The following NUP188 variants were observed in gnomAD, a reference collection of about 807,000 sequenced individuals.
NUP188 encodes the protein nucleoporin 188, also known as nucleoporin NUP188.
NUP188 carries 97 observed loss-of-function variants against 223.0 expected under a neutral mutation model. That is an observed-to-expected ratio of 0.43 (90% CI 0.37 to 0.51). The LOEUF is 0.51. Among genes scored for constraint, NUP188 ranks in the 20% least tolerant of loss-of-function variants. The pLI is 0.00. For synonymous variants in NUP188, 869 were observed against 828.0 expected (o/e 1.05, Z -0.85); for missense variants, 1,947 against 2,175.6 (o/e 0.89, Z 2.09).
In NUP188 at chr9:128,969,412, C is replaced by A; in HGVS notation, c.810C>A (p.Ala270=). The A allele has an allele frequency of 1.9e-6, 3 of 1,609,674 alleles. No individual in the cohort carries two copies. The highest frequency in any genetic ancestry group is 2.5e-6 in the Non-Finnish European group (3 of 1,176,896). Residue 270 remains alanine (A), a synonymous_variant, in exon 10 of 44, where the codon GCC becomes GCA. Coordinates refer to ENST00000372577, the MANE Select transcript of NUP188 (RefSeq NM_015354.3). ...PFVDRIGYFS[A]LILVEGMDIE... is the part of the protein sequence containing the mutation. ...TTTTTCTTTCTAGCTACTTCAGTGC[C>A]CTCATCCTGGTGGAGGGCATGGATA...
Position 128,995,491 on chromosome 9 carries a change from C to T in NUP188, c.3328C>T (p.Leu1110Phe). The change falls in exon 30 of 44, where the codon CTT (leucine) becomes TTT (phenylalanine). Residue 1110 changes from leucine (L) to phenylalanine (F), a missense_variant. Coordinates refer to ENST00000372577, the MANE Select transcript of NUP188 (RefSeq NM_015354.3). ...GATGCTGGTGTCCGCCTGGAGGATG[C>T]TTCTCATCATTGCCACCACTCATGT... ...YQMLVSAWRMLLIIATTHADI... is the reference protein window; with the variant it reads ...YQMLVSAWRMFLIIATTHADI... 1 of 1,600,754 alleles carries T rather than the reference C, an allele frequency of 6.2e-7. No individual in the cohort carries two copies. The highest frequency in any genetic ancestry group is 8.5e-7 in the Non-Finnish European group (1 of 1,174,056).
chr9:128,982,157 C>G (rs1217572437), intron 15 of NUP188, among the ~76,000 whole-genome samples: 1 of 151,704 alleles, frequency 6.6e-6, no homozygotes, highest in Admixed American at 6.6e-5. Context: ...ATGTTAGCTA[C>G]TAAGAAGAAA....
intron 8 of NUP188, among the ~76,000 whole-genome samples, chr9:128,967,403 C>T (rs1278486219): frequency 2.0e-5 from 3 of 152,044 alleles, no homozygotes; most frequent in Non-Finnish European, 4.4e-5. Context: ...GCCTGTAATC[C>T]CACCACTTTG....
chr9:128,951,834 C>T (rs1398908056), intron 2 of NUP188, among the ~76,000 whole-genome samples: 1 of 141,946 alleles, frequency 7.0e-6, no homozygotes, highest in Non-Finnish European at 1.5e-5. Context: ...TGCTTGTTGT[C>T]CTGGCTAGAG....
chr9:128,983,639 T>C, intron 19 of NUP188, 89 bp downstream of exon 19: 1 of 938,998 alleles, frequency 1.1e-6, no homozygotes, highest in Non-Finnish European at 1.6e-6. Flanking sequence ...ATTTTATTTT[T>C]ATGTATTTGT....
chr9:128,952,898 A>G (rs1156920968), intron 3 of NUP188, 52 bp downstream of exon 3: 3 of 1,405,894 alleles, frequency 2.1e-6, no homozygotes, highest in South Asian at 2.3e-5. Flanking sequence ...GGAAGCTGAC[A>G]TGGATAAAAC....
intron 1 of NUP188, chr9:128,948,709 C>T (rs1185769338): frequency 2.4e-5 from 3 of 122,978 alleles, no homozygotes; most frequent in Non-Finnish European, 5.3e-5. Context: ...GTGTTTTCCC[C>T]ACTTTTTTTT....
chr9:128,971,709 T>C (rs1326383631), intron 11 of NUP188, among the ~76,000 whole-genome samples: 1 of 152,172 alleles, frequency 6.6e-6, no homozygotes, highest in Non-Finnish European at 1.5e-5. Flanking sequence ...TGAGCCACCG[T>C]GCCCAGCTAG....
chr9:128,988,554 A>T (rs1207215559), intron 24 of NUP188, among the ~76,000 whole-genome samples: 1 of 151,990 alleles, frequency 6.6e-6, no homozygotes, highest in East Asian at 1.9e-4. Flanking sequence ...CTTATCTGAA[A>T]TGCTTGGGAC....
chr9:128,998,731 A>T, intron 32 of NUP188, 108 bp downstream of exon 32: 1 of 842,756 alleles, frequency 1.2e-6, no homozygotes, highest in Non-Finnish European at 2.0e-6. Context: ...CTGGTTTTCC[A>T]TCTTGAGGAA....
chr9:129,001,843 G>A (rs772062686), intron 35 of NUP188, 41 bp from the exon 36 acceptor site: 1 of 1,602,448 alleles, frequency 6.2e-7, no homozygotes, highest in South Asian at 1.1e-5. Context: ...GGCAGGGCAG[G>A]GGCAGGCTCC....
In NUP188 at chr9:129,006,793, C is replaced by A. The variant is rs528615659; in HGVS notation, c.*115C>A. On this transcript the variant is annotated 3_prime_UTR_variant, in exon 44 of 44. Coordinates refer to ENST00000372577, the MANE Select transcript of NUP188 (RefSeq NM_015354.3). ...AATGGAGGGCACCTCCTGTCACCCCCCTCCCGGAGTAGCCACGACTCCAGC... is the reference window on the plus strand; with the variant it reads ...AATGGAGGGCACCTCCTGTCACCCCACTCCCGGAGTAGCCACGACTCCAGC... 2 of 1,124,430 alleles carry A rather than the reference C, an allele frequency of 1.8e-6. No homozygotes were observed. Among genetic ancestry groups the A allele is most frequent in the Non-Finnish European group, 2.5e-6 (2 of 810,536 alleles). 69.7% of individuals were successfully genotyped at this position (1,124,430 alleles called of 1,614,324 possible). A position where few individuals can be genotyped will look rare whatever the true frequency, so the allele number is the denominator to read the frequency against.
Position 128,956,988 on chromosome 9 carries a change from T to C in NUP188, c.283T>C (p.Cys95Arg). The stretch of plus-strand genomic sequence containing the variant: ...AGAACAGAGTGTGCAGTTACTCCAG[T>C]GTTACCTGCAAGAGGACTACAGGGG... The part of the protein sequence containing the change: ...DEEQSVQLLQ[C>R]YLQEDYRGTR... Residue 95 changes from cysteine (C) to arginine (R), a missense_variant, in exon 5 of 44, where the codon TGT (cysteine) becomes CGT (arginine). This residue lies in a region of NUP188 where 817 missense variants were observed against 865.8 expected (regional missense o/e 0.94). Coordinates refer to ENST00000372577, the MANE Select transcript of NUP188 (RefSeq NM_015354.3). 1 of 1,613,434 alleles carries C rather than the reference T, an allele frequency of 6.2e-7. No individual in the cohort carries two copies. The highest frequency in any genetic ancestry group is 1.7e-4 in the Middle Eastern group (1 of 6,058).
intron 30 of NUP188, among the ~76,000 whole-genome samples, chr9:128,997,289 C>G (rs565154291): frequency 6.6e-6 from 1 of 152,240 alleles, no homozygotes; most frequent in Admixed American, 6.5e-5. Flanking sequence ...ACAGATGGGA[C>G]TGATACTACA....
At chr9:129,000,435 C>G (rs955319312) in intron 34 of NUP188, among the ~76,000 whole-genome samples, 4 of 152,122 alleles carry the variant, frequency 2.6e-5, no homozygotes, top group Non-Finnish European at 5.9e-5. Context: ...TCTCCCACCT[C>G]AGCCACCCGA....
intron 1 of NUP188, chr9:128,948,038 G>T: frequency 3.0e-6 from 1 of 329,132 alleles, no homozygotes; most frequent in Non-Finnish European, 5.5e-6. Flanking sequence ...CACCTCCGAC[G>T]CGTCTCTTGG....
chr9:129,003,787 A>G (rs1241467209), intron 38 of NUP188: 3 of 349,012 alleles, frequency 8.6e-6, no homozygotes, highest in Admixed American at 4.5e-5. Flanking sequence ...AGCCTGGCCA[A>G]CATGGTGAAA....
At chr9:129,001,409 A>G in intron 34 of NUP188, 120 bp from the exon 35 acceptor site, 2 of 800,882 alleles carry the variant, frequency 2.5e-6, no homozygotes, top group South Asian at 1.5e-5. Context: ...GTGTTACTCA[A>G]GCTCACTTAG....
Position 128,990,119 on chromosome 9 carries a change from G to C in NUP188, c.2534-1G>C. On this transcript the variant is annotated splice_acceptor_variant, in intron 24 of 43. Coordinates refer to ENST00000372577, the MANE Select transcript of NUP188 (RefSeq NM_015354.3). LOFTEE classifies it high-confidence loss of function. ...CTAAACTGTTTCCTGTGCTGCTTTA[G>C]GTGCTCATGGAAACAACCTCATTGC... 2 of 1,608,804 alleles carry C rather than the reference G, an allele frequency of 1.2e-6. No homozygotes were observed. The highest frequency in any genetic ancestry group is 1.7e-6 in the Non-Finnish European group (2 of 1,175,226).
Sources: allele counts gnomAD v4.1 joint callset (sites outside exome capture counted in the v4.1 genomes callset), GRCh38; gene constraint gnomAD v4.1.1; regional missense constraint gnomAD v4.1.1; transcripts MANE v1.5; gene names NCBI Gene and HGNC (gene_info 2026-07-23, HGNC 2026-07-21).